The following PLCB1 variants were observed in gnomAD, a reference collection of about 807,000 sequenced individuals.
The protein encoded by PLCB1 is 1-phosphatidylinositol 4,5-bisphosphate phosphodiesterase beta-1.
Under a neutral mutation model 161.8 loss-of-function variants are expected in PLCB1, and 46 were observed. That is an observed-to-expected ratio of 0.28 (90% CI 0.22 to 0.36). The LOEUF is 0.36. Ranked by LOEUF, PLCB1 falls within the 10% of genes least tolerant of loss-of-function variation. The pLI is 1.00. For synonymous variants in PLCB1, 517 were observed against 503.7 expected (o/e 1.03, Z -0.35); for missense variants, 1,016 against 1,472.5 (o/e 0.69, Z 5.07).
intron 25 of PLCB1, among the ~76,000 whole-genome samples, chr20:8,760,859 A>G (rs1238450451): frequency 1.3e-5 from 2 of 152,244 alleles, no homozygotes; most frequent in Non-Finnish European, 2.9e-5. Flanking sequence ...GAACTGTGAT[A>G]CAGTTTGGAG....
intron 31 of PLCB1, among the ~76,000 whole-genome samples, chr20:8,866,387 C>G (rs1231399112): frequency 6.6e-6 from 1 of 152,172 alleles, no homozygotes. Context: ...AGAGGCCAGT[C>G]CCTGAATAGG....
At position 8,316,935 on chromosome 20, in the gene PLCB1, C is replaced by T. The variant is rs534151862; in HGVS notation, c.178-54447C>T. Among the ~76,000 whole-genome samples, 22 of 151,732 alleles carry T rather than the reference C, an allele frequency of 1.4e-4. 1 individual carries two copies. The South Asian group carries it at 4.6e-3, about 32-fold the overall frequency. ...TATTATGTTTTATGTTGTTTGCCTA[C>T]TTTCTGTCTATACCCACCCCCGGCC... On this transcript the variant is annotated intron_variant, in intron 2 of 31. Transcript: ENST00000338037.
At chr20:8,160,399 G>A (rs1030143013) in intron 2 of PLCB1, among the ~76,000 whole-genome samples, 8 of 152,058 alleles carry the variant, frequency 5.3e-5, no homozygotes, top group African/African-American at 9.7e-5. Context: ...GTATTAGGCC[G>A]TTTTCATGCC....
At chr20:8,149,629 G>T (rs900147968) in intron 1 of PLCB1, among the ~76,000 whole-genome samples, 2 of 151,964 alleles carry the variant, frequency 1.3e-5, no homozygotes, top group African/African-American at 4.8e-5. Context: ...TTGTGCAGAT[G>T]GTATGTCTTT....
At chr20:8,551,222 A>C (rs896246293) in intron 3 of PLCB1, among the ~76,000 whole-genome samples, 2 of 152,160 alleles carry the variant, frequency 1.3e-5, no homozygotes, top group South Asian at 2.1e-4. Context: ...AGGAAAAAAA[A>C]CATGATCTCT....
intron 2 of PLCB1, among the ~76,000 whole-genome samples, chr20:8,165,808 T>G (rs780716066): frequency 1.3e-5 from 2 of 152,132 alleles, no homozygotes; most frequent in Non-Finnish European, 2.9e-5. Context: ...TGTTTAAATC[T>G]CCAGCTGTCT....
intron 1 of PLCB1, among the ~76,000 whole-genome samples, chr20:8,139,592 T>C (rs2051383216): frequency 6.6e-6 from 1 of 152,210 alleles, no homozygotes; most frequent in African/African-American, 2.4e-5. Context: ...AAAAAACATT[T>C]TTTTTGGAAG....
At chr20:8,554,383 C>T (rs1036995925) in intron 3 of PLCB1, among the ~76,000 whole-genome samples, 2 of 152,044 alleles carry the variant, frequency 1.3e-5, no homozygotes, top group Non-Finnish European at 2.9e-5. Flanking sequence ...AATGAATAAA[C>T]ACATTGCGGT....
chr20:8,559,829 G>C (rs879213647), intron 3 of PLCB1, among the ~76,000 whole-genome samples: 1 of 151,888 alleles, frequency 6.6e-6, no homozygotes, highest in African/African-American at 2.4e-5. Flanking sequence ...AGCCTAGGTC[G>C]GTCTTGTACT....
chr20:8,517,331 G>T (rs909009672), intron 3 of PLCB1, among the ~76,000 whole-genome samples: 6 of 152,118 alleles, frequency 3.9e-5, no homozygotes, highest in Non-Finnish European at 8.8e-5. Flanking sequence ...ATTTGAAATT[G>T]CTGGGTGTTG....
At chr20:8,317,973 T>C (rs1176746443) in intron 2 of PLCB1, among the ~76,000 whole-genome samples, 1 of 151,738 alleles carries the variant, frequency 6.6e-6, no homozygotes, top group Non-Finnish European at 1.5e-5. Flanking sequence ...CATTGAGAAT[T>C]CATTAAGAAT....
At chr20:8,829,322 A>T (rs936993472) in intron 31 of PLCB1, among the ~76,000 whole-genome samples, 1 of 152,174 alleles carries the variant, frequency 6.6e-6, no homozygotes, top group African/African-American at 2.4e-5. Flanking sequence ...CACAAATGCA[A>T]GTTCCCAGTT....
chr20:8,796,333 C>T (rs538337710), intron 31 of PLCB1, among the ~76,000 whole-genome samples: 5 of 152,204 alleles, frequency 3.3e-5, no homozygotes, highest in Admixed American at 2.0e-4. Flanking sequence ...TTAGACCTAC[C>T]GCTGGGCTCT....
At chr20:8,487,199 T>C (rs1982765787) in intron 3 of PLCB1, among the ~76,000 whole-genome samples, 1 of 152,216 alleles carries the variant, frequency 6.6e-6, no homozygotes, top group Non-Finnish European at 1.5e-5. Context: ...CTTGCTATTC[T>C]CAGGTTATTT....
intron 31 of PLCB1, among the ~76,000 whole-genome samples, chr20:8,800,257 T>C (rs1329445958): frequency 6.6e-6 from 1 of 152,228 alleles, no homozygotes; most frequent in Non-Finnish European, 1.5e-5. Flanking sequence ...TATTATATTA[T>C]ATCTAAGGCC....
intron 31 of PLCB1, among the ~76,000 whole-genome samples, chr20:8,870,490 T>C (rs185069854): frequency 0.016 from 2,370 of 152,202 alleles, 24 homozygotes; most frequent in Middle Eastern, 0.041. Flanking sequence ...TCTGTGGCGG[T>C]TTCATGGAAT....
At chr20:8,522,342 C>A (rs904333902) in intron 3 of PLCB1, among the ~76,000 whole-genome samples, 13 of 152,250 alleles carry the variant, frequency 8.5e-5, no homozygotes, top group African/African-American at 3.1e-4. Flanking sequence ...CTAGGGGAAA[C>A]CAATTTAATA....
intron 31 of PLCB1, among the ~76,000 whole-genome samples, chr20:8,825,786 G>T (rs899846984): frequency 2.0e-5 from 3 of 152,204 alleles, no homozygotes; most frequent in Admixed American, 1.3e-4. Flanking sequence ...ATTAGCTAGG[G>T]ATATTATGTT....
chr20:8,679,316 C>T (rs1399892831), intron 9 of PLCB1, among the ~76,000 whole-genome samples: 1 of 152,158 alleles, frequency 6.6e-6, no homozygotes, highest in Non-Finnish European at 1.5e-5. Context: ...ATGAGAGAAC[C>T]ACTCCACAAT....
Sources: gnomAD v4.1 joint callset for allele counts (sites outside exome capture counted in the v4.1 genomes callset) on GRCh38, gnomAD v4.1.1 for gene constraint, MANE v1.5 for transcripts, NCBI Gene and HGNC (gene_info 2026-07-23, HGNC 2026-07-21) for gene names.